C17orf113: variants seen among roughly 807,000 people sequenced by gnomAD.
The protein encoded by C17orf113 is uncharacterized protein C17orf113.
C17orf113 carries 5 observed loss-of-function variants against 11.6 expected under a neutral mutation model. That is an observed-to-expected ratio of 0.43 (90% confidence interval 0.23 to 0.91). The LOEUF (loss-of-function observed/expected upper bound fraction) is 0.91, where lower values mean the gene tolerates loss of function less well. C17orf113 is among the 40% of genes least tolerant of loss of function. The probability of loss-of-function intolerance (pLI) is 0.26; values close to 1 mark genes in which losing one functional copy is unlikely to be tolerated. For missense variants in C17orf113, 714 were observed against 841.3 expected (o/e 0.85, Z 1.87); for synonymous variants, 327 against 390.6 (o/e 0.84, Z 1.92).
In C17orf113 at chr17:42,039,850, T is replaced by C. The variant is rs2052965047; in HGVS notation, c.1883A>G (p.Gln628Arg). 5.8e-6 allele frequency: 7 copies of C among 1,206,708 alleles called. No homozygotes were observed. Among genetic ancestry groups the C allele is most frequent in the Non-Finnish European group, 7.2e-6 (7 of 974,184 alleles). The allele number at this position is 1,206,708 out of a possible 1,614,324, so 74.8% of individuals were successfully genotyped here. A position where few individuals can be genotyped will look rare whatever the true frequency, so the allele number is the denominator to read the frequency against. ...GRSRELRWWG[Q>R]SGAGEGRGGH... ...CCCCCGGCCTTCCCCGGCCCCACTC[T>C]GCCCCCACCACCGCAGCTCCCGGCT... is the stretch of plus-strand genomic sequence containing the variant. Residue 628 changes from glutamine (Q) to arginine (R), a missense_variant, in exon 3 of 3, where the codon CAG becomes CGG. Around this residue, in one of 3 missense-constraint regions of C17orf113, gnomAD observed 194 missense variants for 197.2 expected, o/e 0.98. Transcript: ENST00000587304.
chr17:42,041,220 G>A, intron 2 of C17orf113, 31 bp from the exon 3 acceptor site: 1 of 1,232,490 alleles, frequency 8.1e-7, no homozygotes, highest in Non-Finnish European at 1.0e-6. Flanking sequence ...AAGGGAGGGA[G>A]GACTGAGTTA....
At position 42,043,078 on chromosome 17, in the gene C17orf113, C is replaced by A. The variant is rs1162940259; in HGVS notation, c.299G>T (p.Gly100Val). Residue 100 changes from glycine (G) to valine (V), a missense_variant, in exon 2 of 3, where the codon GGC (glycine) becomes GTC (valine). By Grantham distance (109) the Gly-to-Val change is moderately radical (BLOSUM62 -3). Coordinates refer to ENST00000587304, the MANE Select transcript of C17orf113 (RefSeq NM_001358661.2). Reference protein sequence around the residue: ...AVNQGQPPFEGQAEGGGACPG... With the variant: ...AVNQGQPPFEVQAEGGGACPG... Reference sequence around the variant, plus strand: ...GCAGGCCCCTCCACCTTCAGCCTGGCCCTCAAAAGGGGGCTGGCCCTGGTT... The same window carrying A: ...GCAGGCCCCTCCACCTTCAGCCTGGACCTCAAAAGGGGGCTGGCCCTGGTT... 1 of 1,232,084 alleles carries A rather than the reference C, an allele frequency of 8.1e-7. No homozygotes were observed. Among genetic ancestry groups the A allele is most frequent in the East Asian group, 3.2e-5 (1 of 31,720 alleles). 76.3% of individuals were successfully genotyped at this position (1,232,084 alleles called of 1,614,324 possible). A position where few individuals can be genotyped will look rare whatever the true frequency, so the allele number is the denominator to read the frequency against.
chr17:42,038,312 ACTCTCT>A lies in C17orf113; in HGVS notation c.*1387_*1392del. ...GAAAAGGCTAGCCCTCGCCCCTCTC[ACTCTCT>A]AACTATCCTCCCTCCCTCCAGATCC... On this transcript the variant is annotated 3_prime_UTR_variant, in exon 3 of 3. Coordinates refer to ENST00000587304, the MANE Select transcript of C17orf113 (RefSeq NM_001358661.2). 2.1e-6 allele frequency: 1 copy of A among 471,766 alleles called. No individual in the cohort carries two copies. The highest frequency in any genetic ancestry group is 3.8e-6 in the Non-Finnish European group (1 of 266,006). 29.2% of individuals were successfully genotyped at this position (471,766 alleles called of 1,614,324 possible). A position where few individuals can be genotyped will look rare whatever the true frequency, so the allele number is the denominator to read the frequency against.
rs561043687 is a variant in C17orf113 at position 42,044,918 on chromosome 17, C to CA, written c.-187-1356_-187-1355insT. On this transcript the variant is annotated intron_variant, in intron 1 of 2. Transcript: ENST00000587304. ...ATTGGCCAAAACCTGCCAACTCTAC[C>CA]TTTTTTTTTTTTTTTTTGAGACAGA... Among the ~76,000 whole-genome samples, 1,419 of 132,598 alleles carry CA rather than the reference C, an allele frequency of 0.011. 111 individuals are homozygous for CA. The East Asian group carries it at 0.2, about 19-fold the overall frequency. The allele number at this position is 132,598 out of a possible 152,430, so 87.0% of individuals were successfully genotyped here.
intron 1 of C17orf113, among the ~76,000 whole-genome samples, chr17:42,049,537 G>C (rs2053241570): frequency 6.6e-6 from 1 of 152,194 alleles, no homozygotes; most frequent in Admixed American, 6.5e-5. Context: ...CAGCCCTTGG[G>C]CACCTTTTAG....
In C17orf113 at chr17:42,039,410, G is replaced by C. The variant is rs2052948853; in HGVS notation, c.*295C>G. On this transcript the variant is annotated 3_prime_UTR_variant, in exon 3 of 3. Coordinates refer to ENST00000587304, the MANE Select transcript of C17orf113 (RefSeq NM_001358661.2). The stretch of plus-strand genomic sequence containing the variant: ...CCCAAACTTGCCCCGAGTCCAGAAG[G>C]GAAAAGGGTGAGCTACTCCTCATCT... The C allele has an allele frequency of 3.2e-6, 1 of 314,476 alleles. No homozygotes were observed. Among genetic ancestry groups the C allele is most frequent in the Non-Finnish European group, 5.8e-6 (1 of 173,068 alleles). 19.5% of individuals were successfully genotyped at this position (314,476 alleles called of 1,614,324 possible).
intron 1 of C17orf113, among the ~76,000 whole-genome samples, chr17:42,048,091 TC>T (rs1205875873): frequency 9.9e-5 from 15 of 151,576 alleles, no homozygotes; most frequent in Admixed American, 4.0e-4. Context: ...GGTCATCTCC[TC>T]CCCCCCTTCC....
chr17:42,042,751 A>T (rs1347391967), intron 2 of C17orf113, 83 bp downstream of exon 2: 3 of 1,043,700 alleles, frequency 2.9e-6, no homozygotes, highest in South Asian at 5.0e-5. Flanking sequence ...CTCCCCAAGG[A>T]GCTGGCATGC....
In C17orf113 at chr17:42,043,053, G is replaced by A. The variant is rs572964501; in HGVS notation, c.324C>T (p.Cys108=). Residue 108 remains cysteine, a synonymous_variant, in exon 2 of 3, where the codon TGC becomes TGT. Transcript: ENST00000587304. ...FEGQAEGGGA[C]PGLATTPASR... ...AGGCAGGGGTCGTAGCCAGGCCTGG[G>A]CAGGCCCCTCCACCTTCAGCCTGGC... The A allele has an allele frequency of 2.4e-6, 3 of 1,232,332 alleles. No individual in the cohort carries two copies. The African/African-American group carries it at 4.6e-5, about 19-fold the overall frequency. The allele number at this position is 1,232,332 out of a possible 1,614,324, so 76.3% of individuals were successfully genotyped here.
chr17:42,041,306 G>C, intron 2 of C17orf113, 117 bp from the exon 3 acceptor site: 1 of 909,274 alleles, frequency 1.1e-6, no homozygotes, highest in Non-Finnish European at 1.4e-6. Context: ...GACAGACTTA[G>C]GGACTAATCC....
Position 42,040,487 on chromosome 17 carries a change from G to A in C17orf113, c.1246C>T (p.Leu416Phe), listed in dbSNP as rs2052991204. Residue 416 changes from leucine (L) to phenylalanine (F), a missense_variant, in exon 3 of 3, where the codon CTT (leucine) becomes TTT (phenylalanine). This residue lies in a region of C17orf113 where 516 missense variants were observed against 626.6 expected (regional missense o/e 0.82). Transcript: ENST00000587304. Reference sequence around the variant, plus strand: ...TCCGGCTCTTCTGCCTGCAGGACAAGGGAGAGCTTCTGCACAGAGGGCAGG... The same window carrying A: ...TCCGGCTCTTCTGCCTGCAGGACAAAGGAGAGCTTCTGCACAGAGGGCAGG... ...DALPSVQKLS[L>F]VLQAEEPDLA... 8.1e-7 allele frequency: 1 copy of A among 1,232,434 alleles called. No individual in the cohort carries two copies. The highest frequency in any genetic ancestry group is 1.0e-6 in the Non-Finnish European group (1 of 988,168). The allele number at this position is 1,232,434 out of a possible 1,614,324, so 76.3% of individuals were successfully genotyped here. A position where few individuals can be genotyped will look rare whatever the true frequency, so the allele number is the denominator to read the frequency against.
At position 42,046,478 on chromosome 17, in the gene C17orf113, T is replaced by C. The variant is rs186541317; in HGVS notation, c.-187-2915A>G. Reference sequence around the variant, plus strand: ...AGCTGGGCATGGTGGTGTATGCCTGTAGTCCCAGCTACTCAGGAGGCTGAG... The same window carrying C: ...AGCTGGGCATGGTGGTGTATGCCTGCAGTCCCAGCTACTCAGGAGGCTGAG... On this transcript the variant is annotated intron_variant, in intron 1 of 2. Transcript: ENST00000587304. 1.5e-3 allele frequency among the ~76,000 whole-genome samples: 227 copies of C among 152,176 alleles called. 1 individual carries two copies. The highest frequency in any genetic ancestry group is 4.1e-3 in the South Asian group (20 of 4,824).
At chr17:42,049,496 G>A (rs1378158736) in intron 1 of C17orf113, among the ~76,000 whole-genome samples, 1 of 152,248 alleles carries the variant, frequency 6.6e-6, no homozygotes, top group Non-Finnish European at 1.5e-5. Context: ...ATAAGAAAGA[G>A]CAGGTTCCCA....
In C17orf113 at chr17:42,043,224, G is replaced by A. The variant is rs928854454; in HGVS notation, c.153C>T (p.Ala51=). The change falls in exon 2 of 3, where the codon GCC becomes GCT. Residue 51 remains alanine, a synonymous_variant. Coordinates refer to ENST00000587304, the MANE Select transcript of C17orf113 (RefSeq NM_001358661.2). ...KLMFCLECRQ[A]LVRNKHGKAE... is the part of the protein sequence containing the mutation. ...CTTTGCCATGCTTGTTCCGTACCAG[G>A]GCCTGGCGGCACTCGAGGCAGAACA... 4.1e-6 allele frequency: 5 copies of A among 1,232,154 alleles called. No individual in the cohort carries two copies. In the African/African-American group the frequency reaches 6.2e-5, roughly 15 times the overall value. The allele number at this position is 1,232,154 out of a possible 1,614,324, so 76.3% of individuals were successfully genotyped here. A position where few individuals can be genotyped will look rare whatever the true frequency, so the allele number is the denominator to read the frequency against.
intron 1 of C17orf113, among the ~76,000 whole-genome samples, chr17:42,046,335 G>A (rs1290846828): frequency 2.6e-5 from 4 of 152,192 alleles, no homozygotes; most frequent in Admixed American, 2.0e-4. Context: ...GCTCACACCT[G>A]TAATCTCAGC....
At position 42,043,206 on chromosome 17, in the gene C17orf113, A is replaced by G. The variant is rs782176928; in HGVS notation, c.171T>C (p.His57=). Residue 57 remains histidine, a synonymous_variant, in exon 2 of 3, where the codon CAT becomes CAC. Transcript: ENST00000587304. ...CAGTGAAGGCGTTTTCGGCTTTGCC[A>G]TGCTTGTTCCGTACCAGGGCCTGGC... The part of the protein sequence containing the change: ...ECRQALVRNK[H]GKAENAFTVG... The G allele has an allele frequency of 1.9e-5, 23 of 1,232,238 alleles. No homozygotes were observed. Among genetic ancestry groups the G allele is most frequent in the Non-Finnish European group, 2.2e-5 (22 of 988,014 alleles). The allele number at this position is 1,232,238 out of a possible 1,614,324, so 76.3% of individuals were successfully genotyped here.
In C17orf113 at chr17:42,043,350, C is replaced by T. The variant is rs527783426; in HGVS notation, c.27G>A (p.Ala9=). The change falls in exon 2 of 3, where the codon GCG becomes GCA. Residue 9 remains alanine (A), a synonymous_variant. Transcript: ENST00000587304. The stretch of plus-strand genomic sequence containing the variant: ...TCTTGTTGGAGTTGGAGGCCTCTCC[C>T]GCTGGTTTCTTCCCTGGGGGCACCA... MVPPGKKP[A]GEASNSNKKC... is the part of the protein sequence containing the mutation. 2.4e-5 allele frequency: 29 copies of T among 1,232,222 alleles called. No homozygotes were observed. Among genetic ancestry groups the T allele is most frequent in the South Asian group, 8.2e-5 (2 of 24,306 alleles). 76.3% of individuals were successfully genotyped at this position (1,232,222 alleles called of 1,614,324 possible). A position where few individuals can be genotyped will look rare whatever the true frequency, so the allele number is the denominator to read the frequency against.
chr17:42,041,622 T>A (rs971077422), intron 2 of C17orf113, among the ~76,000 whole-genome samples: 2 of 152,154 alleles, frequency 1.3e-5, no homozygotes, highest in Admixed American at 1.3e-4. Context: ...ATCATCCTAG[T>A]CTGCCCTATT....
rs1387705968 is a variant in C17orf113, at chr17:42,038,364, C to T, written c.*1341G>A. ...GATCCCCAGGATTTCATGGCCAGGG[C>T]TGACAGGAGGGAATGGGAAACCCAT... is the stretch of plus-strand genomic sequence containing the variant. On this transcript the variant is annotated 3_prime_UTR_variant, in exon 3 of 3. Coordinates refer to ENST00000587304, the MANE Select transcript of C17orf113 (RefSeq NM_001358661.2). 8.0e-6 allele frequency: 3 copies of T among 373,518 alleles called. No individual in the cohort carries two copies. Among genetic ancestry groups the T allele is most frequent in the East Asian group, 1.1e-4 (2 of 17,496 alleles). 23.1% of individuals were successfully genotyped at this position (373,518 alleles called of 1,614,324 possible).
Sources: gnomAD v4.1 joint callset for allele counts (sites outside exome capture counted in the v4.1 genomes callset) on GRCh38, gnomAD v4.1.1 for gene constraint, gnomAD v4.1.1 regional missense constraint, MANE v1.5 for transcripts, NCBI Gene and HGNC (gene_info 2026-07-23, HGNC 2026-07-21) for gene names.